Variants in ZNF254 observed in about 807,000 individuals in gnomAD.
ZNF254 encodes the protein zinc finger protein 254.
A neutral mutation model predicts 12.4 loss-of-function variants in ZNF254; 10 were observed. The ratio of observed to expected loss-of-function variants is 0.80; its 90% CI spans 0.50 to 1.36. ZNF254 has a LOEUF of 1.36. Ranked by LOEUF, ZNF254 falls within the 40% of genes most tolerant of loss-of-function variation. The pLI is 0.00. For missense variants in ZNF254, 996 were observed against 763.9 expected (o/e 1.30, Z -3.58); for synonymous variants, 305 against 253.4 (o/e 1.20, Z -1.93).
intron 3 of ZNF254, among the ~76,000 whole-genome samples, chr19:24,113,403 T>C (rs1973827932): frequency 6.6e-6 from 1 of 152,022 alleles, no homozygotes; most frequent in South Asian, 2.1e-4. Flanking sequence ...ATAAATGTAA[T>C]CCAGCATATA....
chr19:24,042,320 C>T (rs898041196), intron 1 of ZNF254, among the ~76,000 whole-genome samples: 1 of 152,192 alleles, frequency 6.6e-6, no homozygotes, highest in Non-Finnish European at 1.5e-5. Context: ...CTCGGCTCTA[C>T]CAATCTGCAG....
At chr19:24,059,916 G>A (rs574951458) in intron 2 of ZNF254, among the ~76,000 whole-genome samples, 143 of 151,952 alleles carry the variant, frequency 9.4e-4, no homozygotes, top group African/African-American at 3.4e-3. Flanking sequence ...CCCACAGGAG[G>A]CTTTGTGGCA....
intron 3 of ZNF254, among the ~76,000 whole-genome samples, chr19:24,123,900 A>T (rs1326042364): frequency 6.6e-6 from 1 of 152,104 alleles, no homozygotes; most frequent in Non-Finnish European, 1.5e-5. Flanking sequence ...GAAAGGCAAG[A>T]TGAATCTCAG....
At chr19:24,110,234 A>G (rs1311680318) in intron 3 of ZNF254, among the ~76,000 whole-genome samples, 2 of 152,150 alleles carry the variant, frequency 1.3e-5, no homozygotes, top group African/African-American at 2.4e-5. Flanking sequence ...AACACTTAGC[A>G]TATAATTTAC....
At chr19:24,120,766 C>T (rs1320966405) in intron 3 of ZNF254, among the ~76,000 whole-genome samples, 3 of 151,964 alleles carry the variant, frequency 2.0e-5, no homozygotes, top group African/African-American at 7.2e-5. Flanking sequence ...GGGTTCACGC[C>T]ATTTTCCTGC....
At chr19:24,110,213 A>G (rs1973584101) in intron 3 of ZNF254, among the ~76,000 whole-genome samples, 1 of 152,196 alleles carries the variant, frequency 6.6e-6, no homozygotes, top group African/African-American at 2.4e-5. Flanking sequence ...TTTAAAAATT[A>G]TTGTTGTAAA....
chr19:24,087,321 C>T lies in ZNF254; in HGVS notation c.14C>T (p.Pro5Leu). Residue 5 changes from proline to leucine, a missense_variant, in exon 1 of 4, where the codon CCT becomes CTT. Coordinates refer to ENST00000357002, the MANE Select transcript of ZNF254 (RefSeq NM_203282.4). ...TCCACAGCTAAGATGCCAGGACCCC[C>T]TAGAAGCCTAGAAATGGTGAGAATG... MPGP[P>L]RSLEMGLLTF... 5 of 1,613,676 alleles carry T rather than the reference C, an allele frequency of 3.1e-6. No homozygotes were observed. Among genetic ancestry groups the T allele is most frequent in the Non-Finnish European group, 4.2e-6 (5 of 1,179,740 alleles).
chr19:24,039,568 G>A (rs955597280), intron 1 of ZNF254, among the ~76,000 whole-genome samples: 1 of 152,134 alleles, frequency 6.6e-6, no homozygotes, highest in Non-Finnish European at 1.5e-5. Context: ...GGGATTACAG[G>A]CTCTCATTTC....
chr19:24,052,658 A>G (rs62114769), intron 2 of ZNF254, among the ~76,000 whole-genome samples: 30,917 of 152,026 alleles, frequency 0.2, 3,359 homozygotes, highest in African/African-American at 0.27. Context: ...GGAGATTGTA[A>G]CGTATCCCTA....
At chr19:24,083,546 T>C (rs1192628796), upstream of ZNF254, among the ~76,000 whole-genome samples, 1 of 152,076 alleles carries the variant, frequency 6.6e-6, no homozygotes, top group Non-Finnish European at 1.5e-5. Flanking sequence ...GGATCAAAAA[T>C]GTTAAGACCT....
chr19:24,082,320 T>G (rs1971872234), upstream of ZNF254, among the ~76,000 whole-genome samples: 1 of 148,586 alleles, frequency 6.7e-6, no homozygotes, highest in African/African-American at 2.5e-5. Context: ...AGAACAATGC[T>G]TATGTTTTGT....
rs1973365094 is a variant in ZNF254 at position 24,106,711 on chromosome 19, T to C, written c.253+68T>C. The C allele has an allele frequency of 1.5e-6, 2 of 1,320,874 alleles. 1 individual carries two copies. Among genetic ancestry groups the C allele is most frequent in the South Asian group, 2.6e-5 (2 of 76,280 alleles). 81.8% of individuals were successfully genotyped at this position (1,320,874 alleles called of 1,614,324 possible). A position where few individuals can be genotyped will look rare whatever the true frequency, so the allele number is the denominator to read the frequency against. On this transcript the variant is annotated intron_variant, in intron 3 of 3. Transcript: ENST00000357002. ...CAAAGTCAAGAAGAAAGCCACTCTTTAAAGTGATTTAAGAAGCTGTGATCC... is the reference window on the plus strand; with the variant it reads ...CAAAGTCAAGAAGAAAGCCACTCTTCAAAGTGATTTAAGAAGCTGTGATCC...
intron 3 of ZNF254, among the ~76,000 whole-genome samples, chr19:24,122,528 A>T (rs73021446): frequency 6.6e-6 from 1 of 151,910 alleles, no homozygotes; most frequent in African/African-American, 2.4e-5. Flanking sequence ...CCTGGCCCCA[A>T]TTTTTTCTGT....
intron 1 of ZNF254, among the ~76,000 whole-genome samples, chr19:24,043,405 G>A (rs1399511456): frequency 6.6e-6 from 1 of 152,030 alleles, no homozygotes; most frequent in Admixed American, 6.6e-5. Flanking sequence ...GGTACGACAG[G>A]TGCATGCCAC....
At chr19:24,055,205 C>CAAAAAAAAAA (rs71167733) in intron 2 of ZNF254, among the ~76,000 whole-genome samples, 1 of 28,324 alleles carries the variant, frequency 3.5e-5, no homozygotes, top group African/African-American at 1.8e-4. Context: ...TCTGTCTCAC[C>CAAAAAAAAAA]AAAAAAAAAA....
chr19:24,045,775 C>T (rs1460196180), intron 1 of ZNF254, among the ~76,000 whole-genome samples: 2 of 151,822 alleles, frequency 1.3e-5, no homozygotes, highest in East Asian at 3.9e-4. Context: ...CTGAATTAGT[C>T]TCAGAGTGTG....
intron 1 of ZNF254, among the ~76,000 whole-genome samples, chr19:24,097,808 A>G (rs957144697): frequency 2.0e-5 from 3 of 151,412 alleles, no homozygotes; most frequent in African/African-American, 7.3e-5. Flanking sequence ...AAAATAAAAT[A>G]AAATAAAATA....
At chr19:24,117,515 C>A (rs1974172332) in intron 3 of ZNF254, among the ~76,000 whole-genome samples, 3 of 152,188 alleles carry the variant, frequency 2.0e-5, no homozygotes. Flanking sequence ...AGGATATAAT[C>A]TGCTGTTGTG....
chr19:24,091,516 A>G (rs1345877414), intron 1 of ZNF254, among the ~76,000 whole-genome samples: 2 of 151,970 alleles, frequency 1.3e-5, no homozygotes, highest in South Asian at 4.2e-4. Context: ...TTTGAGATAA[A>G]GAGTTGCACT....
Sources: allele counts gnomAD v4.1 joint callset (sites outside exome capture counted in the v4.1 genomes callset), GRCh38; gene constraint gnomAD v4.1.1; transcripts MANE v1.5; gene names NCBI Gene and HGNC (gene_info 2026-07-23, HGNC 2026-07-21).